Variants in SCML1 observed in about 807,000 individuals in gnomAD.
SCML1 encodes the protein Scm polycomb group protein like 1.
For synonymous variants in SCML1, 104 were observed against 103.6 expected (o/e 1.00, Z -0.02); for missense variants, 137 against 258.1 (o/e 0.53, Z 3.22).
chrX:17,749,848 ACT>A, intron 5 of SCML1, 44 bp from the exon 6 acceptor site: 5 of 1,105,108 alleles, frequency 4.5e-6, no homozygotes, highest in Non-Finnish European at 6.1e-6. Flanking sequence ...AATTTTATTT[ACT>A]TTTTTACTCA....
At chrX:17,744,847 CAT>C (rs920497216) in intron 2 of SCML1, 6 of 111,841 alleles carry the variant, frequency 5.4e-5, no homozygotes, top group African/African-American at 1.9e-4. Flanking sequence ...AACCCAATTC[CAT>C]ATGTTTTTGT....
chrX:17,751,784 C>T, intron 6 of SCML1, 31 bp from the exon 7 acceptor site: 1 of 1,192,705 alleles, frequency 8.4e-7, no homozygotes, highest in Non-Finnish European at 1.1e-6. Context: ...TGTGATTTGT[C>T]TTTTTTTTCT....
rs1309156079 is a variant in SCML1, at chrX:17,754,249, T to G, written c.*857T>G. The G allele has an allele frequency of 8.9e-6, 1 of 112,398 alleles. No individual in the cohort carries two copies. The highest frequency in any genetic ancestry group is 2.8e-4 in the East Asian group (1 of 3,619). The allele number at this position is 112,398 out of a possible 1,213,427, so 9.3% of individuals were successfully genotyped here. A position where few individuals can be genotyped will look rare whatever the true frequency, so the allele number is the denominator to read the frequency against. On this transcript the variant is annotated 3_prime_UTR_variant, in exon 8 of 8. Coordinates refer to ENST00000380041, the MANE Select transcript of SCML1 (RefSeq NM_001037540.3). ...GTGTTTATTCTTTATATAGATAGTA[T>G]TTTATATTTTATTCTCACCCGAAGT...
At chrX:17,752,843 TAC>T (rs2066725555) in intron 7 of SCML1, among the ~76,000 whole-genome samples, 1 of 111,657 alleles carries the variant, frequency 9.0e-6, no homozygotes, top group African/African-American at 3.3e-5. Flanking sequence ...TATAGACATT[TAC>T]AGTTTGCACT....
At chrX:17,741,667 T>C (rs1410441483) in intron 1 of SCML1, among the ~76,000 whole-genome samples, 2 of 111,918 alleles carry the variant, frequency 1.8e-5, no homozygotes, top group African/African-American at 6.5e-5. Context: ...GTTGTTGTTC[T>C]GTTTTGTTTT....
intron 4 of SCML1, among the ~76,000 whole-genome samples, chrX:17,746,551 T>G (rs1340593990): frequency 8.9e-6 from 1 of 112,397 alleles, no homozygotes; most frequent in Non-Finnish European, 1.9e-5. Flanking sequence ...GGTAGAGATG[T>G]GATTACTGGG....
intron 1 of SCML1, among the ~76,000 whole-genome samples, chrX:17,738,600 C>A (rs774967907): frequency 4.2e-4 from 47 of 111,091 alleles, no homozygotes; most frequent in African/African-American, 1.0e-3. Flanking sequence ...ACAAACAGAG[C>A]GTTTTGCTGT....
At chrX:17,745,708 T>C (rs965639583) in intron 3 of SCML1, 169 bp downstream of exon 3, 1 of 391,884 alleles carries the variant, frequency 2.6e-6, no homozygotes, top group Non-Finnish European at 4.4e-6. Flanking sequence ...ACCAATTTAC[T>C]TTCCCCTTTT....
chrX:17,752,920 T>G (rs1274709103), intron 7 of SCML1, among the ~76,000 whole-genome samples: 2 of 111,383 alleles, frequency 1.8e-5, no homozygotes, highest in Non-Finnish European at 3.8e-5. Context: ...AATTCATTTT[T>G]ACTATTCATA....
At chrX:17,745,155 A>G (rs779579855) in intron 2 of SCML1, 46 of 175,162 alleles carry the variant, frequency 2.6e-4, no homozygotes, top group Non-Finnish European at 3.8e-4. Context: ...TTCTTTGTTC[A>G]TGGTTAGAAA....
intron 1 of SCML1, chrX:17,737,991 C>A: frequency 8.9e-6 from 1 of 111,922 alleles, no homozygotes; most frequent in Admixed American, 9.4e-5. Context: ...AGGTGGGGAG[C>A]GAGGAAGGAT....
At chrX:17,744,567 G>T (rs527605610) in intron 2 of SCML1, 3 of 140,276 alleles carry the variant, frequency 2.1e-5, no homozygotes, top group African/African-American at 9.5e-5. Context: ...AGTTGAATCA[G>T]TATGTAGATT....
intron 6 of SCML1, among the ~76,000 whole-genome samples, chrX:17,750,694 G>C (rs929919436): frequency 8.9e-6 from 1 of 111,922 alleles, no homozygotes; most frequent in Non-Finnish European, 1.9e-5. Flanking sequence ...CTAGAACTCT[G>C]CCCCATTGTG....
At chrX:17,753,145 C>A in intron 7 of SCML1, 113 bp from the exon 8 acceptor site, 2 of 514,094 alleles carry the variant, frequency 3.9e-6, no homozygotes, top group Non-Finnish European at 5.9e-6. Flanking sequence ...AGAGAATATA[C>A]ATCTGCAATG....
intron 4 of SCML1, among the ~76,000 whole-genome samples, chrX:17,746,746 G>C (rs1027411419): frequency 8.9e-6 from 1 of 112,031 alleles, no homozygotes; most frequent in Non-Finnish European, 1.9e-5. Context: ...ATACAGTCTT[G>C]GGGGGAAGTG....
chrX:17,749,447 T>C lies in SCML1; in HGVS notation c.246T>C (p.Ile82=). ...ACCTGGATAAGAAGATTGATGTGAT[T>C]CGTAGAAAGGTTTCAAAAATCCAAC... is the stretch of plus-strand genomic sequence containing the variant. ...LQNLDKKIDV[I]RRKVSKIQRF... The change falls in exon 5 of 8, where the codon ATT becomes ATC. Residue 82 remains isoleucine (I), a synonymous_variant. Coordinates refer to ENST00000380041, the MANE Select transcript of SCML1 (RefSeq NM_001037540.3). 8.3e-7 allele frequency: 1 copy of C among 1,201,386 alleles called. No homozygotes were observed. Among genetic ancestry groups the C allele is most frequent in the Non-Finnish European group, 1.1e-6 (1 of 888,050 alleles).
chrX:17,750,838 TGTGTTGATG>T (rs1396185036), intron 6 of SCML1, among the ~76,000 whole-genome samples: 1 of 112,909 alleles, frequency 8.9e-6, no homozygotes, highest in Non-Finnish European at 1.9e-5. Flanking sequence ...AAGATCAAAT[TGTGTTGATG>T]GTCCTGGTTG....
chrX:17,742,563 T>A (rs1307800041), intron 1 of SCML1, among the ~76,000 whole-genome samples: 1 of 112,093 alleles, frequency 8.9e-6, no homozygotes. Flanking sequence ...CTTAGTTTAT[T>A]TTGGAACATC....
chrX:17,751,783 T>C (rs780534538), intron 6 of SCML1, 32 bp from the exon 7 acceptor site: 2 of 1,193,105 alleles, frequency 1.7e-6, no homozygotes, highest in South Asian at 1.8e-5. Context: ...GTGTGATTTG[T>C]CTTTTTTTTC....
Sources: gnomAD v4.1 joint callset for allele counts (sites outside exome capture counted in the v4.1 genomes callset) on GRCh38, gnomAD v4.1.1 for gene constraint, MANE v1.5 for transcripts, NCBI Gene and HGNC (gene_info 2026-07-23, HGNC 2026-07-21) for gene names.